The following FRMD4A variants were observed in gnomAD, a reference collection of about 807,000 sequenced individuals.
The protein encoded by FRMD4A is FERM domain-containing protein 4A.
A neutral mutation model predicts 129.1 loss-of-function variants in FRMD4A; 29 were observed. The ratio of observed to expected loss-of-function variants is 0.22; its 90% CI spans 0.17 to 0.31. The LOEUF (loss-of-function observed/expected upper bound fraction) is 0.31, where lower values mean the gene tolerates loss of function less well. Among genes scored for constraint, FRMD4A ranks in the 10% least tolerant of loss-of-function variants. The pLI, the probability that FRMD4A is intolerant of heterozygous loss-of-function variation, is 1.00. For missense variants in FRMD4A, 1,272 were observed against 1,375.8 expected, an observed-to-expected ratio of 0.92 and a Z score of 1.19; for synonymous variants, 634 against 571.6, an observed-to-expected ratio of 1.11 and a Z score of -1.56.
At chr10:14,245,645 T>C (rs1044008738) in intron 2 of FRMD4A, among the ~76,000 whole-genome samples, 9 of 152,238 alleles carry the variant, frequency 5.9e-5, no homozygotes, top group Middle Eastern at 3.4e-3. Context: ...TAATTCAATA[T>C]GGCTGATGTC....
intron 2 of FRMD4A, among the ~76,000 whole-genome samples, chr10:14,307,285 A>T (rs746769689): frequency 3.3e-5 from 5 of 152,252 alleles, no homozygotes; most frequent in Non-Finnish European, 7.3e-5. Flanking sequence ...AGGAAGGCTC[A>T]GGGCCTTGCG....
Position 14,128,742 on chromosome 10 carries a change from T to A in FRMD4A, c.45+201316A>T, listed in dbSNP as rs193161828. ...TAGGTTGCAAAGCACCACATGCATATTAAATACCTTCATCTTTACCACCAC... is the reference window on the plus strand; with the variant it reads ...TAGGTTGCAAAGCACCACATGCATAATAAATACCTTCATCTTTACCACCAC... On this transcript the variant is annotated intron_variant, in intron 2 of 24. Transcript: ENST00000357447. Among the ~76,000 whole-genome samples, 37 of 152,302 alleles carry A rather than the reference T, an allele frequency of 2.4e-4. No individual in the cohort carries two copies. The East Asian group carries it at 6.4e-3, about 26-fold the overall frequency.
At chr10:13,862,869 C>T (rs946939334) in intron 2 of FRMD4A, among the ~76,000 whole-genome samples, 1 of 152,068 alleles carries the variant, frequency 6.6e-6, no homozygotes, top group Non-Finnish European at 1.5e-5. Flanking sequence ...TTGCCAGGCA[C>T]TCTGAAGTTT....
At chr10:13,935,478 TG>T (rs2095241462) in intron 2 of FRMD4A, among the ~76,000 whole-genome samples, 3 of 131,332 alleles carry the variant, frequency 2.3e-5, no homozygotes, top group Admixed American at 7.8e-5. Flanking sequence ...AAAAAAAAGT[TG>T]TTACCAAATG....
intron 2 of FRMD4A, among the ~76,000 whole-genome samples, chr10:13,943,779 A>G (rs971817171): frequency 6.6e-6 from 1 of 152,024 alleles, no homozygotes; most frequent in African/African-American, 2.4e-5. Context: ...TTCTGTTTAG[A>G]TAACAAAGAA....
intron 2 of FRMD4A, among the ~76,000 whole-genome samples, chr10:14,099,963 G>A (rs149313059): frequency 4.9e-4 from 75 of 152,152 alleles, no homozygotes; most frequent in African/African-American, 1.7e-3. Flanking sequence ...TTCTCCCTCC[G>A]TTCCCTGTCT....
intron 23 of FRMD4A, chr10:13,652,302 G>C (rs1044142306): frequency 2.7e-6 from 1 of 369,046 alleles, no homozygotes; most frequent in Non-Finnish European, 5.0e-6. Context: ...TGGTGAAATA[G>C]GCAGGTTTCA....
chr10:13,859,062 T>A (rs763567128), intron 2 of FRMD4A, 150 bp from the exon 3 acceptor site: 2 of 649,424 alleles, frequency 3.1e-6, no homozygotes, highest in Non-Finnish European at 5.5e-6. Flanking sequence ...GTTGGAAGGA[T>A]CAGTTCATTC....
chr10:13,973,621 G>A lies in FRMD4A; in HGVS notation c.46-114709C>T, dbSNP rs372891397. ...TGCACCCCAGTAATGAAAAGCAGGTGGGTACTACAGAATCTTGCCTTTCTA... is the reference window on the plus strand; with the variant it reads ...TGCACCCCAGTAATGAAAAGCAGGTAGGTACTACAGAATCTTGCCTTTCTA... On this transcript the variant is annotated intron_variant, in intron 2 of 24. Transcript: ENST00000357447. 5.3e-4 allele frequency among the ~76,000 whole-genome samples: 81 copies of A among 152,112 alleles called. No homozygotes were observed. The East Asian group carries it at 0.013, about 24-fold the overall frequency.
At chr10:13,749,668 C>A (rs1206619651) in intron 8 of FRMD4A, among the ~76,000 whole-genome samples, 3 of 152,012 alleles carry the variant, frequency 2.0e-5, no homozygotes, top group Non-Finnish European at 4.4e-5. Context: ...TAGAGCACTC[C>A]CAGAAAAAGC....
At chr10:14,214,190 G>A (rs1486303237) in intron 2 of FRMD4A, among the ~76,000 whole-genome samples, 1 of 152,154 alleles carries the variant, frequency 6.6e-6, no homozygotes, top group Admixed American at 6.5e-5. Context: ...TAGCAGTCTG[G>A]AAATGGACTC....
intron 2 of FRMD4A, among the ~76,000 whole-genome samples, chr10:14,204,879 T>C (rs1471152777): frequency 6.6e-6 from 1 of 152,042 alleles, no homozygotes; most frequent in Non-Finnish European, 1.5e-5. Context: ...GCGAAAGCAC[T>C]GCACCACCAA....
chr10:13,669,331 G>T (rs2134707609), intron 17 of FRMD4A, among the ~76,000 whole-genome samples: 1 of 152,242 alleles, frequency 6.6e-6, no homozygotes, highest in Admixed American at 6.5e-5. Flanking sequence ...CAAAGTGCTG[G>T]GATTTTGCAG....
intron 2 of FRMD4A, among the ~76,000 whole-genome samples, chr10:13,984,403 A>T (rs966571873): frequency 6.6e-6 from 1 of 152,040 alleles, no homozygotes; most frequent in African/African-American, 2.4e-5. Flanking sequence ...CGTAATACAA[A>T]CTTTACAATT....
At chr10:14,027,879 G>A (rs1833055774) in intron 2 of FRMD4A, among the ~76,000 whole-genome samples, 1 of 152,220 alleles carries the variant, frequency 6.6e-6, no homozygotes, top group Admixed American at 6.5e-5. Context: ...ATTAGTGTAT[G>A]CGGATGTCAC....
chr10:14,018,291 CAA>C (rs556449482), intron 2 of FRMD4A, among the ~76,000 whole-genome samples: 13 of 121,932 alleles, frequency 1.1e-4, no homozygotes, highest in Non-Finnish European at 1.1e-4. Context: ...ACTAAAAATA[CAA>C]AAAAAAAAAA....
At chr10:14,174,871 GTGTGTGTC>G (rs1324316121) in intron 2 of FRMD4A, among the ~76,000 whole-genome samples, 164 of 34,016 alleles carry the variant, frequency 4.8e-3, no homozygotes, top group Non-Finnish European at 0.012. Flanking sequence ...AAAAAAGTGT[GTGTGTGTC>G]TGTGTGTGTG....
At chr10:13,670,290 A>T in intron 17 of FRMD4A, 116 bp downstream of exon 17, 2 of 1,074,260 alleles carry the variant, frequency 1.9e-6, no homozygotes. Context: ...GGTATGAGCG[A>T]AAATACTGGC....
chr10:14,101,591 A>T (rs1222932454), intron 2 of FRMD4A, among the ~76,000 whole-genome samples: 1 of 152,174 alleles, frequency 6.6e-6, no homozygotes, highest in Non-Finnish European at 1.5e-5. Context: ...GATGGGGAAA[A>T]TGGTGAAGAA....
Sources: gnomAD v4.1 joint callset for allele counts (sites outside exome capture counted in the v4.1 genomes callset) on GRCh38, gnomAD v4.1.1 for gene constraint, MANE v1.5 for transcripts, NCBI Gene and HGNC (gene_info 2026-07-23, HGNC 2026-07-21) for gene names.